Variants in TMEM178B observed in about 807,000 individuals in gnomAD.
The protein encoded by TMEM178B is transmembrane protein 178B.
In TMEM178B, 5 loss-of-function variants were observed where a neutral mutation model predicts 31.0. The observed-to-expected ratio is 0.16, with a 90% CI of 0.08 to 0.34. TMEM178B has a LOEUF of 0.34. Ranked by LOEUF, TMEM178B falls within the 10% of genes least tolerant of loss-of-function variation. The probability of loss-of-function intolerance (pLI) is 1.00; values close to 1 mark genes in which losing one functional copy is unlikely to be tolerated. For missense variants in TMEM178B, 275 were observed against 400.3 expected (o/e 0.69, Z 2.67); for synonymous variants, 164 against 164.0 (o/e 1.00, Z 0.00).
At chr7:141,141,898 A>T (rs1341597335) in intron 1 of TMEM178B, among the ~76,000 whole-genome samples, 1 of 152,228 alleles carries the variant, frequency 6.6e-6, no homozygotes, top group Non-Finnish European at 1.5e-5. Context: ...GTTGATGTTT[A>T]TATTCTAATT....
chr7:141,324,300 G>A (rs973934225), intron 2 of TMEM178B, among the ~76,000 whole-genome samples: 15 of 152,026 alleles, frequency 9.9e-5, no homozygotes, highest in African/African-American at 3.6e-4. Context: ...TAGCAGCCTG[G>A]GGAGAGTGAC....
chr7:141,282,404 G>T (rs1281865758), intron 2 of TMEM178B, among the ~76,000 whole-genome samples: 1 of 152,154 alleles, frequency 6.6e-6, no homozygotes, highest in Admixed American at 6.5e-5. Context: ...CTAAGATAGG[G>T]CTCAACTATA....
chr7:141,159,999 T>C (rs1796141917), intron 1 of TMEM178B, among the ~76,000 whole-genome samples: 1 of 148,154 alleles, frequency 6.7e-6, no homozygotes, highest in South Asian at 2.1e-4. Flanking sequence ...TATATATATA[T>C]ATAATTTTAA....
At position 141,219,229 on chromosome 7, in the gene TMEM178B, A is replaced by T. The variant is rs775222918; in HGVS notation, c.496+6525A>T. On this transcript the variant is annotated intron_variant, in intron 2 of 3. Transcript: ENST00000565468. ...CCATCTCAGACCTCAGAGGAATCCG[A>T]GGGTGAGGGCTCAGAATCCAGGCCT... Among the ~76,000 whole-genome samples, 35 of 152,238 alleles carry T rather than the reference A, an allele frequency of 2.3e-4. 1 individual carries two copies. In the Middle Eastern group the frequency reaches 0.014, roughly 59 times the overall value.
intron 2 of TMEM178B, among the ~76,000 whole-genome samples, chr7:141,219,115 G>A (rs962348879): frequency 1.7e-4 from 26 of 152,260 alleles, no homozygotes; most frequent in African/African-American, 4.8e-4. Context: ...AGGATCACTC[G>A]ACGTTTCCTC....
At chr7:141,079,434 G>A (rs916726453) in intron 1 of TMEM178B, among the ~76,000 whole-genome samples, 3 of 152,148 alleles carry the variant, frequency 2.0e-5, no homozygotes, top group African/African-American at 7.2e-5. Context: ...GTTGGACAGC[G>A]CCACGCAGAG....
In TMEM178B at chr7:141,380,612, T is replaced by G. The variant is rs574111087; in HGVS notation, c.497-56996T>G. Among the ~76,000 whole-genome samples, 172 of 152,352 alleles carry G rather than the reference T, an allele frequency of 1.1e-3. 2 individuals carry two copies. The Middle Eastern group carries it at 0.014, about 12-fold the overall frequency. ...GGAAAAAAGAATTCTATGTCCTTTTTAATAGTGGAAATCCAACTGCTTATT... is the reference window on the plus strand; with the variant it reads ...GGAAAAAAGAATTCTATGTCCTTTTGAATAGTGGAAATCCAACTGCTTATT... On this transcript the variant is annotated intron_variant, in intron 2 of 3. Coordinates refer to ENST00000565468, the MANE Select transcript of TMEM178B (RefSeq NM_001195278.2).
intron 1 of TMEM178B, among the ~76,000 whole-genome samples, chr7:141,120,743 G>A (rs889169572): frequency 6.6e-6 from 1 of 151,820 alleles, no homozygotes; most frequent in African/African-American, 2.4e-5. Flanking sequence ...ATCCCTTGAG[G>A]CTAGGAGTTG....
At chr7:141,310,647 G>C (rs1481224245) in intron 2 of TMEM178B, among the ~76,000 whole-genome samples, 3 of 152,082 alleles carry the variant, frequency 2.0e-5, no homozygotes, top group African/African-American at 7.2e-5. Context: ...AAGAAGTTAA[G>C]AAACAACAGA....
At chr7:141,180,590 A>T (rs1374379225) in intron 1 of TMEM178B, among the ~76,000 whole-genome samples, 2 of 152,088 alleles carry the variant, frequency 1.3e-5, no homozygotes, top group African/African-American at 4.8e-5. Context: ...CCCTTCCTTT[A>T]GTCACTTCAT....
chr7:141,455,642 C>A (rs1466077161), intron 3 of TMEM178B, among the ~76,000 whole-genome samples: 1 of 152,236 alleles, frequency 6.6e-6, no homozygotes, highest in Non-Finnish European at 1.5e-5. Context: ...TACAACGTTG[C>A]TTCGAGGATT....
At chr7:141,359,515 C>T (rs891532421) in intron 2 of TMEM178B, among the ~76,000 whole-genome samples, 8 of 152,196 alleles carry the variant, frequency 5.3e-5, no homozygotes, top group African/African-American at 1.7e-4. Flanking sequence ...TGTAAACAAT[C>T]GTGATGATAA....
chr7:141,383,029 C>T (rs970429215), intron 2 of TMEM178B, among the ~76,000 whole-genome samples: 6 of 152,198 alleles, frequency 3.9e-5, no homozygotes, highest in Admixed American at 1.3e-4. Flanking sequence ...ATTGCTATGC[C>T]CCAAGTTGTG....
intron 2 of TMEM178B, among the ~76,000 whole-genome samples, chr7:141,259,323 T>G (rs564832266): frequency 8.5e-5 from 13 of 152,338 alleles, no homozygotes; most frequent in African/African-American, 3.1e-4. Flanking sequence ...ACTACCTATT[T>G]GATGAGTCAT....
the TMEM178B span, among the ~76,000 whole-genome samples, chr7:141,486,829 G>T: frequency 6.6e-6 from 1 of 152,100 alleles, no homozygotes; most frequent in Non-Finnish European, 1.5e-5. Flanking sequence ...GACCGGTAAT[G>T]AAATAAGTAG....
chr7:141,498,865 A>G, the TMEM178B span, among the ~76,000 whole-genome samples: 4 of 152,226 alleles, frequency 2.6e-5, no homozygotes, highest in Non-Finnish European at 5.9e-5. Context: ...AGTCACAGTT[A>G]TTAATTTTTG....
chr7:141,214,319 C>T (rs192273793), intron 2 of TMEM178B, among the ~76,000 whole-genome samples: 1 of 152,254 alleles, frequency 6.6e-6, no homozygotes, highest in East Asian at 1.9e-4. Context: ...TTCAAATTAA[C>T]TCCATTTAAC....
At chr7:141,463,225 T>A (rs1236483245) in intron 3 of TMEM178B, among the ~76,000 whole-genome samples, 5 of 152,122 alleles carry the variant, frequency 3.3e-5, no homozygotes, top group Non-Finnish European at 1.5e-5. Flanking sequence ...ACTGGCTGGC[T>A]CCAGCTAGCT....
At chr7:141,156,251 T>C (rs891367245) in intron 1 of TMEM178B, among the ~76,000 whole-genome samples, 3 of 152,230 alleles carry the variant, frequency 2.0e-5, no homozygotes, top group Admixed American at 6.5e-5. Flanking sequence ...CTCAGTGTCC[T>C]TCTGTGTAAA....
Sources: gnomAD v4.1 joint callset for allele counts (sites outside exome capture counted in the v4.1 genomes callset) on GRCh38, gnomAD v4.1.1 for gene constraint, MANE v1.5 for transcripts, NCBI Gene and HGNC (gene_info 2026-07-23, HGNC 2026-07-21) for gene names.